AUTS2: variants seen among roughly 807,000 people sequenced by gnomAD.
AUTS2 encodes autism susceptibility gene 2 protein.
AUTS2 carries 17 observed loss-of-function variants against 112.4 expected under a neutral mutation model. The ratio of observed to expected loss-of-function variants is 0.15; its 90% CI spans 0.10 to 0.23. The LOEUF (loss-of-function observed/expected upper bound fraction) is 0.23, where lower values mean the gene tolerates loss of function less well. AUTS2 is among the 10% of genes least tolerant of loss of function. AUTS2 has a pLI of 1.00. For missense variants in AUTS2, 1,510 were observed against 1,701.6 expected (o/e 0.89, Z 1.98); for synonymous variants, 751 against 702.7 (o/e 1.07, Z -1.09).
At chr7:70,126,881 C>T (rs971031786) in intron 3 of AUTS2, among the ~76,000 whole-genome samples, 25 of 152,040 alleles carry the variant, frequency 1.6e-4, no homozygotes, top group African/African-American at 5.3e-4. Flanking sequence ...GAGTGGAGTG[C>T]AATGGTGCGA....
chr7:70,102,330 GGATATTCTTGATCTCCT>G (rs1191279135), intron 2 of AUTS2, among the ~76,000 whole-genome samples: 3 of 151,784 alleles, frequency 2.0e-5, no homozygotes, highest in Non-Finnish European at 4.4e-5. Flanking sequence ...GTGTTAGCCA[GGATATTCTTGATCTCCT>G]GACCTCGTGA....
intron 5 of AUTS2, among the ~76,000 whole-genome samples, chr7:70,649,355 A>G (rs2057910): frequency 1 from 152,142 of 152,262 alleles, 76,012 homozygotes; most frequent in Middle Eastern, 1. Context: ...AGCCAAGATC[A>G]TGCCCCTGCA....
At chr7:70,088,208 C>G (rs946295314) in intron 2 of AUTS2, among the ~76,000 whole-genome samples, 3 of 151,970 alleles carry the variant, frequency 2.0e-5, no homozygotes, top group African/African-American at 4.8e-5. Flanking sequence ...ACTGCAAGTT[C>G]CACCTCCTGG....
chr7:69,826,123 A>G (rs915204518), intron 1 of AUTS2, among the ~76,000 whole-genome samples: 1 of 152,228 alleles, frequency 6.6e-6, no homozygotes, highest in Admixed American at 6.5e-5. Context: ...GGAGAATTCT[A>G]TGAACACAGG....
At chr7:69,942,429 A>G (rs554828350) in intron 2 of AUTS2, among the ~76,000 whole-genome samples, 2 of 152,310 alleles carry the variant, frequency 1.3e-5, no homozygotes, top group African/African-American at 4.8e-5. Context: ...GGTTTTCCTC[A>G]GAGAAGTTTT....
intron 5 of AUTS2, among the ~76,000 whole-genome samples, chr7:70,484,799 C>G (rs1250149061): frequency 1.3e-5 from 2 of 152,098 alleles, no homozygotes; most frequent in Non-Finnish European, 1.5e-5. Flanking sequence ...TATTATTTAT[C>G]AAACGTTTGT....
At chr7:70,582,222 G>GT (rs1802484893) in intron 5 of AUTS2, among the ~76,000 whole-genome samples, 1 of 152,146 alleles carries the variant, frequency 6.6e-6, no homozygotes, top group African/African-American at 2.4e-5. Context: ...ACGCAGTGTG[G>GT]TTTTATGAAA....
intron 1 of AUTS2, among the ~76,000 whole-genome samples, chr7:69,850,460 A>G (rs1260608959): frequency 1.5e-5 from 2 of 134,276 alleles, no homozygotes; most frequent in Non-Finnish European, 3.1e-5. Context: ...GAGTGACTGT[A>G]CCATTGTACA....
intron 4 of AUTS2, among the ~76,000 whole-genome samples, chr7:70,261,129 A>G (rs1224203181): frequency 6.6e-6 from 1 of 152,222 alleles, no homozygotes; most frequent in Non-Finnish European, 1.5e-5. Context: ...TATAGAGATA[A>G]TGGTTATTTC....
intron 2 of AUTS2, among the ~76,000 whole-genome samples, chr7:69,954,159 T>C (rs942466330): frequency 2.0e-5 from 3 of 152,188 alleles, no homozygotes; most frequent in Non-Finnish European, 4.4e-5. Context: ...AATCAATCAC[T>C]CCACATAGTT....
intron 6 of AUTS2, among the ~76,000 whole-genome samples, chr7:70,753,093 G>A (rs1176208612): frequency 6.6e-6 from 1 of 152,106 alleles, no homozygotes; most frequent in Non-Finnish European, 1.5e-5. Flanking sequence ...ACACTCAACT[G>A]CGGTGTGTTG....
intron 6 of AUTS2, among the ~76,000 whole-genome samples, chr7:70,750,168 A>G (rs1305513179): frequency 2.0e-5 from 3 of 152,056 alleles, no homozygotes; most frequent in Non-Finnish European, 2.9e-5. Context: ...GGTAACTTGG[A>G]GCCTTTCTTT....
intron 4 of AUTS2, among the ~76,000 whole-genome samples, chr7:70,317,451 C>T (rs1359271908): frequency 6.6e-6 from 1 of 152,154 alleles, no homozygotes. Context: ...CCATTTTAAA[C>T]ACTTCATGTA....
intron 2 of AUTS2, among the ~76,000 whole-genome samples, chr7:70,055,403 C>T (rs1039886641): frequency 1.3e-5 from 2 of 152,024 alleles, no homozygotes; most frequent in Non-Finnish European, 1.5e-5. Flanking sequence ...CATTGCATTC[C>T]AGCCTGGACA....
intron 1 of AUTS2, among the ~76,000 whole-genome samples, chr7:69,847,287 G>A (rs896401842): frequency 2.1e-4 from 32 of 152,168 alleles, no homozygotes; most frequent in Non-Finnish European, 7.3e-5. Flanking sequence ...TACACTGAGC[G>A]TGTGGATAGA....
intron 2 of AUTS2, among the ~76,000 whole-genome samples, chr7:69,987,609 G>A (rs546885767): frequency 6.6e-6 from 1 of 152,034 alleles, no homozygotes; most frequent in Non-Finnish European, 1.5e-5. Flanking sequence ...GGGACTACAG[G>A]TGTGCGCCAC....
intron 4 of AUTS2, among the ~76,000 whole-genome samples, chr7:70,411,212 A>T (rs1220671254): frequency 1.3e-5 from 2 of 152,164 alleles, no homozygotes; most frequent in Non-Finnish European, 2.9e-5. Context: ...TGAAAAAAAA[A>T]TGGGATTCTC....
intron 4 of AUTS2, among the ~76,000 whole-genome samples, chr7:70,163,497 T>C (rs2129577769): frequency 6.6e-6 from 1 of 152,256 alleles, no homozygotes; most frequent in South Asian, 2.1e-4. Flanking sequence ...AAAAGCCATA[T>C]GCTACTGGGA....
intron 1 of AUTS2, among the ~76,000 whole-genome samples, chr7:69,640,950 G>A (rs780318089): frequency 3.3e-5 from 5 of 152,160 alleles, no homozygotes; most frequent in African/African-American, 4.8e-5. Context: ...GACTATCTAT[G>A]TCTCATTACA....
Sources: gnomAD v4.1 joint callset for allele counts (sites outside exome capture counted in the v4.1 genomes callset) on GRCh38, gnomAD v4.1.1 for gene constraint, MANE v1.5 for transcripts, NCBI Gene and HGNC (gene_info 2026-07-23, HGNC 2026-07-21) for gene names.